IMPG2: variants seen among roughly 807,000 people sequenced by gnomAD.
The protein encoded by IMPG2 is IPM 200.
In IMPG2, 91 loss-of-function variants were observed where a neutral mutation model predicts 129.2. The observed-to-expected ratio is 0.70, with a 90% CI of 0.59 to 0.84. IMPG2 has a LOEUF of 0.84. Among genes scored for constraint, IMPG2 ranks in the 40% least tolerant of loss-of-function variants. The probability of loss-of-function intolerance (pLI) is 0.00; values close to 1 mark genes in which losing one functional copy is unlikely to be tolerated. For synonymous variants in IMPG2, 510 were observed against 517.7 expected (o/e 0.99, Z 0.20); for missense variants, 1,430 against 1,461.7 (o/e 0.98, Z 0.35).
At chr3:101,300,165 AGAGGC>A (rs533999692) in intron 3 of IMPG2, among the ~76,000 whole-genome samples, 157 of 152,354 alleles carry the variant, frequency 1.0e-3, no homozygotes, top group African/African-American at 2.8e-3. Flanking sequence ...TCCGGCCTGA[AGAGGC>A]GCTCTGTCCG....
At chr3:101,296,894 G>T (rs1306140328) in intron 3 of IMPG2, among the ~76,000 whole-genome samples, 1 of 151,994 alleles carries the variant, frequency 6.6e-6, no homozygotes, top group Non-Finnish European at 1.5e-5. Flanking sequence ...TTCTCTGACG[G>T]CAGTTTTTGT....
chr3:101,309,415 T>C (rs1249455155), intron 2 of IMPG2, among the ~76,000 whole-genome samples: 1 of 152,138 alleles, frequency 6.6e-6, no homozygotes, highest in African/African-American at 2.4e-5. Flanking sequence ...AAACTTACAA[T>C]CATGGTGGAA....
At chr3:101,242,105 G>T (rs1355311016) in intron 14 of IMPG2, among the ~76,000 whole-genome samples, 1 of 152,114 alleles carries the variant, frequency 6.6e-6, no homozygotes, top group Non-Finnish European at 1.5e-5. Context: ...TATGGAGAGA[G>T]AGAGAGAGAG....
In IMPG2 at chr3:101,235,993, T is replaced by C. The variant is rs187569220; in HGVS notation, c.3023-3002A>G. The stretch of plus-strand genomic sequence containing the variant: ...GAATTTAAGGATGGTTATGCCTAAC[T>C]AATATTTTTAAGCCATCTGCCGTGC... On this transcript the variant is annotated intron_variant, in intron 14 of 18. Transcript: ENST00000193391. Among the ~76,000 whole-genome samples, 14 of 152,352 alleles carry C rather than the reference T, an allele frequency of 9.2e-5. No homozygotes were observed. In the East Asian group the frequency reaches 2.5e-3, roughly 27 times the overall value.
chr3:101,244,156 T>C lies in IMPG2; in HGVS notation c.2175A>G (p.Thr725=), dbSNP rs780397396. ...YSVTKAPLIL[T]SVAISASTDK... is the part of the protein sequence containing the mutation. Reference sequence around the variant, plus strand: ...CAGTAGAGGCAGAGATTGCTACAGATGTCAGTATAAGAGGTGCTTTGGTAA... The same window carrying C: ...CAGTAGAGGCAGAGATTGCTACAGACGTCAGTATAAGAGGTGCTTTGGTAA... The change falls in exon 13 of 19, where the codon ACA becomes ACG. Residue 725 remains threonine (T), a synonymous_variant. Coordinates refer to ENST00000193391, the MANE Select transcript of IMPG2 (RefSeq NM_016247.4). 3 of 1,614,082 alleles carry C rather than the reference T, an allele frequency of 1.9e-6. No individual in the cohort carries two copies. Among genetic ancestry groups the C allele is most frequent in the East Asian group, 2.2e-5 (1 of 44,856 alleles).
At chr3:101,246,465 A>T (rs1164665381) in intron 11 of IMPG2, among the ~76,000 whole-genome samples, 1 of 152,210 alleles carries the variant, frequency 6.6e-6, no homozygotes, top group Non-Finnish European at 1.5e-5. Context: ...AGTTACTGTT[A>T]TCTGTAACTT....
intron 14 of IMPG2, among the ~76,000 whole-genome samples, chr3:101,234,764 G>C (rs1021975512): frequency 1.3e-5 from 2 of 152,164 alleles, no homozygotes; most frequent in African/African-American, 4.8e-5. Flanking sequence ...CTTTGTTAAT[G>C]GAAGTTCAAG....
intron 11 of IMPG2, among the ~76,000 whole-genome samples, chr3:101,249,560 G>C (rs1706521505): frequency 6.6e-6 from 1 of 151,504 alleles, no homozygotes; most frequent in South Asian, 2.1e-4. Context: ...TGTAGCTTTG[G>C]TTAAAAAAAA....
In IMPG2 at chr3:101,275,723, A is replaced by G. The variant is rs757212560; in HGVS notation, c.606T>C (p.His202=). ...TLGDTTLSVP[H]PEVDAYEGAS... ...CACCTTCATAGGCGTCCACCTCTGG[A>G]TGTGGAACACTGAGAGTAGTGTCTA... Residue 202 remains histidine, a synonymous_variant, in exon 6 of 19, where the codon CAT becomes CAC. Coordinates refer to ENST00000193391, the MANE Select transcript of IMPG2 (RefSeq NM_016247.4). 2.5e-6 allele frequency: 4 copies of G among 1,613,818 alleles called. No homozygotes were observed. Among genetic ancestry groups the G allele is most frequent in the Non-Finnish European group, 3.4e-6 (4 of 1,179,838 alleles).
At chr3:101,261,023 T>C (rs1220754566) in intron 9 of IMPG2, among the ~76,000 whole-genome samples, 1 of 152,168 alleles carries the variant, frequency 6.6e-6, no homozygotes, top group Non-Finnish European at 1.5e-5. Flanking sequence ...ACTCTAAATA[T>C]AACAGAGCAA....
chr3:101,257,455 C>T, intron 10 of IMPG2, 74 bp downstream of exon 10: 3 of 1,562,510 alleles, frequency 1.9e-6, no homozygotes, highest in Non-Finnish European at 2.6e-6. Context: ...TTATATATTT[C>T]AGGAAATTAG....
intron 7 of IMPG2, among the ~76,000 whole-genome samples, chr3:101,270,370 C>CTT (rs1346639992): frequency 2.6e-5 from 4 of 152,152 alleles, no homozygotes. Flanking sequence ...CACAAACACA[C>CTT]TCAACACCCA....
intron 2 of IMPG2, 122 bp downstream of exon 2, chr3:101,319,462 A>G: frequency 1.8e-6 from 2 of 1,100,018 alleles, no homozygotes; most frequent in Non-Finnish European, 1.4e-6. Context: ...AGCAGTAGAA[A>G]GGTAGTTTTG....
intron 7 of IMPG2, among the ~76,000 whole-genome samples, chr3:101,273,095 A>G: frequency 6.6e-6 from 1 of 152,238 alleles, no homozygotes; most frequent in East Asian, 1.9e-4. Flanking sequence ...CCAACCAAGG[A>G]TAGGAGAAAC....
At position 101,231,040 on chromosome 3, in the gene IMPG2, A is replaced by G; in HGVS notation, c.3339T>C (p.Leu1113=). ...AGTAGATGATAGCAGAAAAGATGAC[A>G]AGAAGTCCAACCACGGAGGCAATAG... The part of the protein sequence containing the change: ...GITIASVVGL[L]VIFSAIIYFF... The change falls in exon 16 of 19, where the codon CTT becomes CTC. Residue 1113 remains leucine, a synonymous_variant. Coordinates refer to ENST00000193391, the MANE Select transcript of IMPG2 (RefSeq NM_016247.4). 6.2e-7 allele frequency: 1 copy of G among 1,614,174 alleles called. No homozygotes were observed. Among genetic ancestry groups the G allele is most frequent in the African/African-American group, 1.3e-5 (1 of 75,058 alleles).
chr3:101,305,344 T>C (rs1421396011), intron 2 of IMPG2, among the ~76,000 whole-genome samples: 1 of 152,028 alleles, frequency 6.6e-6, no homozygotes, highest in African/African-American at 2.4e-5. Context: ...CAGGGATGAA[T>C]AGGAGGAGCA....
chr3:101,256,001 A>C (rs1353820073), intron 10 of IMPG2, among the ~76,000 whole-genome samples: 1 of 151,502 alleles, frequency 6.6e-6, no homozygotes, highest in Non-Finnish European at 1.5e-5. Flanking sequence ...AAAAAACGTT[A>C]GTCCAGCAGC....
At position 101,226,776 on chromosome 3, in the gene IMPG2, T is replaced by C. The variant is rs1706229090; in HGVS notation, c.*193A>G. The C allele has an allele frequency of 1.3e-5, 8 of 600,542 alleles. No homozygotes were observed. In the South Asian group the frequency reaches 1.8e-4, roughly 14 times the overall value. The allele number at this position is 600,542 out of a possible 1,614,324, so 37.2% of individuals were successfully genotyped here. ...ACACAGCATTCAGTCTTTATAGAAA[T>C]AAAAATGGTAACATCTCTTACTACA... On this transcript the variant is annotated 3_prime_UTR_variant, in exon 19 of 19. Coordinates refer to ENST00000193391, the MANE Select transcript of IMPG2 (RefSeq NM_016247.4).
intron 2 of IMPG2, among the ~76,000 whole-genome samples, chr3:101,308,616 C>G (rs1453785112): frequency 6.6e-6 from 1 of 152,212 alleles, no homozygotes; most frequent in Non-Finnish European, 1.5e-5. Context: ...TCTTTCTAGG[C>G]CTCTGGGCCT....
Sources: gnomAD v4.1 joint callset for allele counts (sites outside exome capture counted in the v4.1 genomes callset) on GRCh38, gnomAD v4.1.1 for gene constraint, MANE v1.5 for transcripts, NCBI Gene and HGNC (gene_info 2026-07-23, HGNC 2026-07-21) for gene names.